PDXDC1: variants seen among roughly 807,000 people sequenced by gnomAD.
The protein encoded by PDXDC1 is pyridoxal-dependent decarboxylase domain-containing protein 1.
In PDXDC1, 42 loss-of-function variants were observed where a neutral mutation model predicts 100.1. The observed-to-expected ratio is 0.42, with a 90% CI of 0.33 to 0.54. PDXDC1 has a LOEUF of 0.54. Ranked by LOEUF, PDXDC1 falls within the 20% of genes least tolerant of loss-of-function variation. PDXDC1 has a pLI of 0.10. For synonymous variants in PDXDC1, 260 were observed against 371.7 expected (o/e 0.70, Z 3.46); for missense variants, 636 against 979.2 (o/e 0.65, Z 4.68).
At chr16:15,146,421 A>C in the PDXDC1 span, among the ~76,000 whole-genome samples, 1 of 152,168 alleles carries the variant, frequency 6.6e-6, no homozygotes, top group Admixed American at 6.5e-5. Flanking sequence ...GCTTACGTCA[A>C]AAGAACAAAA....
rs76392657 is a variant in PDXDC1, at chr16:15,054,579, T to C, written c.1399+24523T>C. Among the ~76,000 whole-genome samples, 862 of 152,278 alleles carry C rather than the reference T, an allele frequency of 5.7e-3. 8 individuals carry two copies. The highest frequency in any genetic ancestry group is 0.02 in the African/African-American group (823 of 41,552). ...GCCACCACGCCTAGCTCGGTGCATG[T>C]TGGCTAACAGACGATGGTCGGTCCT... On this transcript the variant is annotated intron_variant, in intron 16 of 16. Coordinates refer to the PDXDC1 transcript ENST00000535621.
intron 16 of PDXDC1, among the ~76,000 whole-genome samples, chr16:15,048,313 T>TA (rs2044159791): frequency 6.6e-6 from 1 of 152,224 alleles, no homozygotes; most frequent in African/African-American, 2.4e-5. Context: ...GTGGTTTTTT[T>TA]AACCTATGAA....
intron 16 of PDXDC1, among the ~76,000 whole-genome samples, chr16:15,078,499 A>G (rs1381070986): frequency 6.6e-6 from 1 of 152,080 alleles, no homozygotes; most frequent in Non-Finnish European, 1.5e-5. Flanking sequence ...AACAAAGACT[A>G]CCTTCTAACC....
Position 15,029,206 on chromosome 16 carries a change from G to A in PDXDC1, c.1293+240G>A, listed in dbSNP as rs2042870627. 6.6e-5 allele frequency: 41 copies of A among 620,312 alleles called. No individual in the cohort carries two copies. In the South Asian group the frequency reaches 7.5e-4, roughly 11 times the overall value. 38.4% of individuals were successfully genotyped at this position (620,312 alleles called of 1,614,324 possible). ...ACTTTCCTTGCTGCTGTATAAGGCT[G>A]TGAGACAACAGGCAAAAGGTGGGCT... is the stretch of plus-strand genomic sequence containing the variant. On this transcript the variant is annotated intron_variant, in intron 15 of 22. Coordinates refer to ENST00000396410, the MANE Select transcript of PDXDC1 (RefSeq NM_015027.4).
chr16:14,991,152 CAGTTT>C (rs1970693849), intron 1 of PDXDC1, among the ~76,000 whole-genome samples: 2 of 152,288 alleles, frequency 1.3e-5, no homozygotes, highest in African/African-American at 4.8e-5. Context: ...TCCTGCCTTT[CAGTTT>C]AAGCATCTTG....
At chr16:15,115,360 C>T (rs1029122211) in intron 16 of PDXDC1, among the ~76,000 whole-genome samples, 1 of 150,712 alleles carries the variant, frequency 6.6e-6, no homozygotes, top group South Asian at 2.1e-4. Flanking sequence ...GATTCTCCTG[C>T]CTCAGCCTCC....
chr16:15,080,797 T>C (rs889583955), intron 16 of PDXDC1, among the ~76,000 whole-genome samples: 2 of 149,354 alleles, frequency 1.3e-5, no homozygotes, highest in Non-Finnish European at 3.0e-5. Context: ...AATGAAGACC[T>C]TGGCAACCAC....
At chr16:14,975,012 C>CCCCG (rs1425027458), upstream of PDXDC1, 71 of 1,534,506 alleles carry the variant, frequency 4.6e-5, no homozygotes, top group East Asian at 1.7e-3. Context: ...CGCTACGGGG[C>CCCCG]CCCGCCCCGC....
At chr16:15,122,365 C>A (rs1201130242) in intron 16 of PDXDC1, among the ~76,000 whole-genome samples, 2 of 146,454 alleles carry the variant, frequency 1.4e-5, no homozygotes, top group Admixed American at 6.9e-5. Context: ...TACGCACCAC[C>A]AGGCCCGACT....
chr16:15,073,786 T>TA (rs1211239564), intron 16 of PDXDC1, among the ~76,000 whole-genome samples: 1 of 152,220 alleles, frequency 6.6e-6, no homozygotes, highest in East Asian at 1.9e-4. Flanking sequence ...CATTTATTAT[T>TA]ACGACTTTTT....
At chr16:15,066,933 C>G (rs1230332641) in intron 16 of PDXDC1, among the ~76,000 whole-genome samples, 1 of 152,010 alleles carries the variant, frequency 6.6e-6, no homozygotes, top group Non-Finnish European at 1.5e-5. Context: ...GCCCCTGGAC[C>G]AGATGGTTCA....
chr16:15,003,382 A>C (rs1973587576), intron 4 of PDXDC1, among the ~76,000 whole-genome samples: 1 of 152,194 alleles, frequency 6.6e-6, no homozygotes, highest in South Asian at 2.1e-4. Context: ...AGGCCCGGCT[A>C]ATTTTTTGTA....
At chr16:15,050,154 TAC>T (rs1380321800) in intron 16 of PDXDC1, among the ~76,000 whole-genome samples, 1 of 152,346 alleles carries the variant, frequency 6.6e-6, no homozygotes, top group African/African-American at 2.4e-5. Flanking sequence ...TGAGTGTTTG[TAC>T]ACACTTATTT....
chr16:14,993,700 T>C (rs1203545528), intron 1 of PDXDC1, among the ~76,000 whole-genome samples: 1 of 152,302 alleles, frequency 6.6e-6, no homozygotes, highest in East Asian at 1.9e-4. Context: ...TAGTTCTAGA[T>C]CCCTGAGGAA....
intron 16 of PDXDC1, chr16:15,128,359 T>G (rs749011495): frequency 1.2e-6 from 2 of 1,605,210 alleles, no homozygotes; most frequent in African/African-American, 2.7e-5. Context: ...GTCCACCCCA[T>G]ACAGCATGAT....
intron 16 of PDXDC1, chr16:15,108,336 A>G (rs963684356): frequency 1.4e-6 from 1 of 722,922 alleles, no homozygotes; most frequent in African/African-American, 1.9e-5. Flanking sequence ...AGGGACGAAA[A>G]CACTTCAAAG....
chr16:15,051,156 G>A (rs909530781), intron 16 of PDXDC1, among the ~76,000 whole-genome samples: 6 of 152,222 alleles, frequency 3.9e-5, no homozygotes, highest in Non-Finnish European at 8.8e-5. Flanking sequence ...GCGCAAAGGC[G>A]AATTTTTAAC....
At chr16:15,020,361 G>A (rs183103231) in intron 12 of PDXDC1, among the ~76,000 whole-genome samples, 598 of 152,166 alleles carry the variant, frequency 3.9e-3, no homozygotes, top group African/African-American at 0.014. Flanking sequence ...TATTCTTGGG[G>A]AGTTAGCACT....
At chr16:15,127,562 C>T (rs781734475) in intron 16 of PDXDC1, 181 of 1,299,648 alleles carry the variant, frequency 1.4e-4, no homozygotes, top group African/African-American at 3.1e-4. Flanking sequence ...ACTGTGTCGA[C>T]GCTCAGCGGG....
Sources: gnomAD v4.1 joint callset for allele counts (sites outside exome capture counted in the v4.1 genomes callset) on GRCh38, gnomAD v4.1.1 for gene constraint, MANE v1.5 for transcripts, NCBI Gene and HGNC (gene_info 2026-07-23, HGNC 2026-07-21) for gene names.